CSMD1: variants seen among roughly 807,000 people sequenced by gnomAD.
The protein encoded by CSMD1 is CUB and sushi domain-containing protein 1.
Under a neutral mutation model 417.5 loss-of-function variants are expected in CSMD1, and 213 were observed. That is an observed-to-expected ratio of 0.51 (90% CI 0.46 to 0.57). The LOEUF (loss-of-function observed/expected upper bound fraction) is 0.57. CSMD1 is among the 20% of genes least tolerant of loss of function. CSMD1 has a pLI of 0.00. For synonymous variants in CSMD1, 2,862 were observed against 1,736.8 expected, an observed-to-expected ratio of 1.65 and a Z score of -16.11; for missense variants, 6,923 against 4,529.7, an observed-to-expected ratio of 1.53 and a Z score of -15.17.
At chr8:4,214,756 T>A (rs1311511477) in intron 3 of CSMD1, among the ~76,000 whole-genome samples, 2 of 152,184 alleles carry the variant, frequency 1.3e-5, no homozygotes, top group Admixed American at 1.3e-4. Context: ...TTTGACATAT[T>A]TCCTCTAAAT....
At chr8:3,631,008 T>C (rs930018668) in intron 7 of CSMD1, among the ~76,000 whole-genome samples, 4 of 152,164 alleles carry the variant, frequency 2.6e-5, no homozygotes, top group Admixed American at 6.5e-5. Flanking sequence ...CTCAGCACCA[T>C]GTTGAACCCT....
intron 2 of CSMD1, among the ~76,000 whole-genome samples, chr8:4,432,974 T>A (rs934922627): frequency 2.6e-5 from 4 of 152,140 alleles, no homozygotes; most frequent in Non-Finnish European, 4.4e-5. Flanking sequence ...AGCTCCACCC[T>A]CCTGTCAGAT....
chr8:3,238,243 G>A (rs942097433), intron 26 of CSMD1, among the ~76,000 whole-genome samples: 1 of 152,034 alleles, frequency 6.6e-6, no homozygotes, highest in Admixed American at 6.6e-5. Context: ...TGAGCCAGGA[G>A]AAGGAATTTC....
At chr8:4,305,515 G>C (rs1216486775) in intron 3 of CSMD1, among the ~76,000 whole-genome samples, 3 of 152,220 alleles carry the variant, frequency 2.0e-5, no homozygotes, top group African/African-American at 7.2e-5. Context: ...TGAGGGCAGA[G>C]CGGTGTCACA....
chr8:4,451,274 T>C (rs148272533), intron 2 of CSMD1, among the ~76,000 whole-genome samples: 2 of 152,114 alleles, frequency 1.3e-5, no homozygotes, highest in East Asian at 1.9e-4. Context: ...CAGGCGGCAG[T>C]GATCCAACCA....
Position 4,220,402 on chromosome 8 carries a change from T to C in CSMD1, c.416-188303A>G, listed in dbSNP as rs544693346. 2.6e-5 allele frequency among the ~76,000 whole-genome samples: 4 copies of C among 152,248 alleles called. No individual in the cohort carries two copies. The East Asian group carries it at 5.8e-4, about 22-fold the overall frequency. ...CCCACAGAGGCCTCTAGACAACGGT[T>C]AGTGTTTAGCAGTATGCGACGTCCA... On this transcript the variant is annotated intron_variant, in intron 3 of 69. Coordinates refer to ENST00000635120, the MANE Select transcript of CSMD1 (RefSeq NM_033225.6).
At chr8:4,560,811 C>A (rs1212385085) in intron 2 of CSMD1, among the ~76,000 whole-genome samples, 2 of 152,318 alleles carry the variant, frequency 1.3e-5, no homozygotes, top group African/African-American at 4.8e-5. Flanking sequence ...ATGATTCTGC[C>A]TGTTCCTCTT....
At chr8:3,175,920 C>G (rs572459505) in intron 37 of CSMD1, among the ~76,000 whole-genome samples, 1 of 152,232 alleles carries the variant, frequency 6.6e-6, no homozygotes, top group East Asian at 1.9e-4. Flanking sequence ...TACTTTGGAG[C>G]TATTTTGACT....
chr8:3,640,375 T>C (rs150730455), intron 7 of CSMD1, among the ~76,000 whole-genome samples: 1 of 152,248 alleles, frequency 6.6e-6, no homozygotes, highest in Non-Finnish European at 1.5e-5. Context: ...CATTGTCAAA[T>C]ATTCAATTAT....
chr8:4,334,810 A>T (rs1800077113), intron 3 of CSMD1, among the ~76,000 whole-genome samples: 1 of 152,122 alleles, frequency 6.6e-6, no homozygotes, highest in South Asian at 2.1e-4. Context: ...ACAAAATGCC[A>T]TATATTCGGA....
At chr8:4,197,224 G>C (rs913997413) in intron 3 of CSMD1, among the ~76,000 whole-genome samples, 2 of 152,124 alleles carry the variant, frequency 1.3e-5, no homozygotes, top group African/African-American at 2.4e-5. Flanking sequence ...CATGAATTCT[G>C]AGTTATTCAC....
intron 1 of CSMD1, among the ~76,000 whole-genome samples, chr8:4,747,967 C>G (rs1188069958): frequency 2.0e-5 from 3 of 152,282 alleles, no homozygotes; most frequent in African/African-American, 7.2e-5. Context: ...TTCTACTTAC[C>G]ACACCGTATA....
At chr8:3,354,250 C>A (rs1585043109) in intron 21 of CSMD1, among the ~76,000 whole-genome samples, 1 of 152,058 alleles carries the variant, frequency 6.6e-6, no homozygotes, top group Admixed American at 6.6e-5. Flanking sequence ...TAACCTCGAG[C>A]CTATACAATG....
chr8:4,705,506 G>A (rs773613749), intron 1 of CSMD1, among the ~76,000 whole-genome samples: 37 of 152,084 alleles, frequency 2.4e-4, no homozygotes, highest in Non-Finnish European at 8.8e-5. Context: ...TCCAAGAAAA[G>A]GAAACGCGCA....
intron 15 of CSMD1, among the ~76,000 whole-genome samples, chr8:3,401,557 G>C (rs1036295126): frequency 6.6e-6 from 1 of 152,126 alleles, no homozygotes; most frequent in East Asian, 1.9e-4. Context: ...TAATAAGTTT[G>C]TATTAGTCAG....
At chr8:4,565,985 C>A (rs963743462) in intron 2 of CSMD1, among the ~76,000 whole-genome samples, 1 of 151,540 alleles carries the variant, frequency 6.6e-6, no homozygotes, top group African/African-American at 2.4e-5. Context: ...ATATTTGGGT[C>A]TATTGAACTA....
chr8:3,781,287 G>C (rs1042866237), intron 5 of CSMD1, among the ~76,000 whole-genome samples: 1 of 152,082 alleles, frequency 6.6e-6, no homozygotes, highest in African/African-American at 2.4e-5. Context: ...AGAGAATATG[G>C]TATGAATATA....
chr8:3,271,636 TG>T (rs1801863217), intron 26 of CSMD1, among the ~76,000 whole-genome samples: 1 of 152,336 alleles, frequency 6.6e-6, no homozygotes, highest in African/African-American at 2.4e-5. Flanking sequence ...TGGTGTGAGA[TG>T]GTATCTCATT....
rs191603801 is a variant in CSMD1 at position 3,237,105 on chromosome 8, C to G, written c.4154-6874G>C. On this transcript the variant is annotated intron_variant, in intron 26 of 69. Transcript: ENST00000635120. ...GGATTGACAACGTGCGGCTACTGCA[C>G]TGCAGAACTGGACGCTGCAATAACG... 4.2e-3 allele frequency among the ~76,000 whole-genome samples: 638 copies of G among 152,090 alleles called. 2 individuals carry two copies. Among genetic ancestry groups the G allele is most frequent in the South Asian group, 0.013 (64 of 4,818 alleles).
Sources: gnomAD v4.1 joint callset for allele counts (sites outside exome capture counted in the v4.1 genomes callset) on GRCh38, gnomAD v4.1.1 for gene constraint, MANE v1.5 for transcripts, NCBI Gene and HGNC (gene_info 2026-07-23, HGNC 2026-07-21) for gene names.